The following FBXL8 variants were observed in gnomAD, a reference collection of about 807,000 sequenced individuals.
The protein encoded by FBXL8 is F-box/LRR-repeat protein 8.
FBXL8 carries 13 observed loss-of-function variants against 8.2 expected under a neutral mutation model. That is an observed-to-expected ratio of 1.58 (90% CI 1.03 to 2.51). FBXL8 has a LOEUF of 2.51. Among genes scored for constraint, FBXL8 ranks in the 30% most tolerant of loss-of-function variants. The pLI, the probability that FBXL8 is intolerant of heterozygous loss-of-function variation, is 0.00. For synonymous variants in FBXL8, 271 were observed against 260.5 expected (o/e 1.04, Z -0.39); for missense variants, 565 against 540.4 (o/e 1.05, Z -0.45).
In FBXL8 at chr16:67,163,974, A is replaced by G. The variant is rs2031055543; in HGVS notation, c.*154A>G. 5 of 1,185,718 alleles carry G rather than the reference A, an allele frequency of 4.2e-6. No homozygotes were observed. The highest frequency in any genetic ancestry group is 6.0e-6 in the Non-Finnish European group (5 of 829,772). 73.4% of individuals were successfully genotyped at this position (1,185,718 alleles called of 1,614,324 possible). A position where few individuals can be genotyped will look rare whatever the true frequency, so the allele number is the denominator to read the frequency against. The stretch of plus-strand genomic sequence containing the variant: ...TGGGAACTGTGATGGCATCGGGACC[A>G]GTCCTGGGCGCCCTGAGACCACTCG... On this transcript the variant is annotated 3_prime_UTR_variant, in exon 3 of 3. Transcript: ENST00000258200.
chr16:67,163,696 A>T lies in FBXL8; in HGVS notation c.1001A>T (p.His334Leu). The T allele has an allele frequency of 6.3e-7, 1 of 1,591,874 alleles. No individual in the cohort carries two copies. The highest frequency in any genetic ancestry group is 8.5e-7 in the Non-Finnish European group (1 of 1,176,712). ...AARCAALREV[H>L]CFCVVSHSVL... ...CGCTGCGCGGCCCTGCGCGAGGTGC[A>T]TTGTTTCTGCGTGGTGAGCCACTCG... The change falls in exon 3 of 3, where the codon CAT (histidine) becomes CTT (leucine). Residue 334 changes from histidine to leucine, a missense_variant. His to Leu is a moderately conservative substitution (Grantham distance 99). Transcript: ENST00000258200.
Position 67,163,655 on chromosome 16 carries a change from G to A in FBXL8, c.960G>A (p.Leu320=). ...CTTCGGCCGAGCTGAACGCCGCGCTGGAGGAGCTGGCGGCGCGCTGCGCGG... is the reference window on the plus strand; with the variant it reads ...CTTCGGCCGAGCTGAACGCCGCGCTAGAGGAGCTGGCGGCGCGCTGCGCGG... ...AAASAELNAA[L]EELAARCAAL... is the part of the protein sequence containing the mutation. The change falls in exon 3 of 3, where the codon CTG becomes CTA. Residue 320 remains leucine, a synonymous_variant. Coordinates refer to ENST00000258200, the MANE Select transcript of FBXL8 (RefSeq NM_018378.3). 6.4e-7 allele frequency: 1 copy of A among 1,572,048 alleles called. No individual in the cohort carries two copies. Among genetic ancestry groups the A allele is most frequent in the Non-Finnish European group, 8.6e-7 (1 of 1,167,420 alleles).
intron 1 of FBXL8, among the ~76,000 whole-genome samples, chr16:67,160,529 G>A (rs2030864006): frequency 6.6e-6 from 1 of 152,114 alleles, no homozygotes; most frequent in East Asian, 1.9e-4. Context: ...TGGCCAATAT[G>A]GTGAAACCCC....
chr16:67,162,241 A>G, intron 2 of FBXL8: 1 of 389,692 alleles, frequency 2.6e-6, no homozygotes, highest in African/African-American at 2.0e-5. Flanking sequence ...AGGCACAAGA[A>G]TCGCTTGAAC....
Position 67,163,417 on chromosome 16 carries a change from C to G in FBXL8, c.722C>G (p.Ala241Gly). 1 of 1,537,218 alleles carries G rather than the reference C, an allele frequency of 6.5e-7. No homozygotes were observed. Among genetic ancestry groups the G allele is most frequent in the Non-Finnish European group, 8.7e-7 (1 of 1,147,200 alleles). The change falls in exon 3 of 3, where the codon GCC (alanine) becomes GGC (glycine). Residue 241 changes from alanine (A) to glycine (G), a missense_variant. By Grantham distance (60) the Ala-to-Gly change is moderately conservative. Transcript: ENST00000258200. ...CGCGCGTCCCCGCTGCCCAACGAAG[C>G]CTGGGTCGCGTTGCGCCGCCGCCAC... ...DARASPLPNE[A>G]WVALRRRHPG...
chr16:67,163,639 A>AGCTGAACGCCGC lies in FBXL8; in HGVS notation c.949_960dup (p.Asn317_Leu320dup). 1 of 1,567,452 alleles carries AGCTGAACGCCGC rather than the reference A, an allele frequency of 6.4e-7. No homozygotes were observed. The stretch of plus-strand genomic sequence containing the variant: ...GAGGTGCGCGCAGCCGCTTCGGCCG[A>AGCTGAACGCCGC]GCTGAACGCCGCGCTGGAGGAGCTG... On this transcript the variant is annotated inframe_insertion, in exon 3 of 3. Coordinates refer to ENST00000258200, the MANE Select transcript of FBXL8 (RefSeq NM_018378.3).
At position 67,162,946 on chromosome 16, in the gene FBXL8, C is replaced by T. The variant is rs1397559005; in HGVS notation, c.251C>T (p.Pro84Leu). The T allele has an allele frequency of 2.6e-6, 4 of 1,558,492 alleles. No individual in the cohort carries two copies. The highest frequency in any genetic ancestry group is 2.6e-6 in the Non-Finnish European group (3 of 1,151,134). The change falls in exon 3 of 3, where the codon CCG (proline) becomes CTG (leucine). Residue 84 changes from proline to leucine, a missense_variant. Transcript: ENST00000258200. ...CTGGAATTTGAGCCATCGAGGAAGC[C>T]GAGCCGCCGGGCGGCCATCGAGCTG... ...LRLEFEPSRK[P>L]SRRAAIELLM...
At chr16:67,162,013 T>A in intron 2 of FBXL8, 76 bp downstream of exon 2, 1 of 1,441,866 alleles carries the variant, frequency 6.9e-7, no homozygotes, top group Non-Finnish European at 9.1e-7. Flanking sequence ...AGGTAGATAT[T>A]CAGGTTGACT....
In FBXL8 at chr16:67,163,554, G is replaced by A. The variant is rs1195230060; in HGVS notation, c.859G>A (p.Asp287Asn). 5 of 1,579,134 alleles carry A rather than the reference G, an allele frequency of 3.2e-6. No individual in the cohort carries two copies. Among genetic ancestry groups the A allele is most frequent in the Non-Finnish European group, 4.3e-6 (5 of 1,171,082 alleles). ...TGCGCTGCGCCTCAACCTCTCAGGCGACACCGTAGGCCCAGTGCGCTTCGC... is the reference window on the plus strand; with the variant it reads ...TGCGCTGCGCCTCAACCTCTCAGGCAACACCGTAGGCCCAGTGCGCTTCGC... Reference protein sequence around the residue: ...VAALRLNLSGDTVGPVRFAAH... With the variant: ...VAALRLNLSGNTVGPVRFAAH... The change falls in exon 3 of 3, where the codon GAC becomes AAC. Residue 287 changes from aspartate to asparagine, a missense_variant. Transcript: ENST00000258200.
chr16:67,163,799 G>A lies in FBXL8; in HGVS notation c.1104G>A (p.Trp368Ter). ...TLKLTREPHP[W>*]RPTLVA Reference sequence around the variant, plus strand: ...AGCTCACGCGCGAGCCGCATCCCTGGAGGCCTACGCTCGTGGCGTGATTGG... The same window carrying A: ...AGCTCACGCGCGAGCCGCATCCCTGAAGGCCTACGCTCGTGGCGTGATTGG... Residue 368 changes from tryptophan to a stop codon, truncating the protein, a stop_gained, in exon 3 of 3, where the codon TGG (tryptophan) becomes TGA (stop). Transcript: ENST00000258200. LOFTEE classifies it high-confidence loss of function. The A allele has an allele frequency of 1.3e-6, 2 of 1,563,246 alleles. No individual in the cohort carries two copies. Among genetic ancestry groups the A allele is most frequent in the Non-Finnish European group, 1.7e-6 (2 of 1,162,406 alleles).
chr16:67,163,501 G>A lies in FBXL8; in HGVS notation c.806G>A (p.Arg269His). The change falls in exon 3 of 3, where the codon CGC becomes CAC. Residue 269 changes from arginine to histidine, a missense_variant. Physicochemically the swap from Arg to His is conservative, Grantham distance 29 (BLOSUM62 0). Coordinates refer to ENST00000258200, the MANE Select transcript of FBXL8 (RefSeq NM_018378.3). ...GCGCTGCCCGCTGAGAGCGTGACGCGCGTCCTGCAGCCAGCCGTCCCCGTG... is the reference window on the plus strand; with the variant it reads ...GCGCTGCCCGCTGAGAGCGTGACGCACGTCCTGCAGCCAGCCGTCCCCGTG... ...EPALPAESVT[R>H]VLQPAVPVAA... 2 of 1,543,144 alleles carry A rather than the reference G, an allele frequency of 1.3e-6. No individual in the cohort carries two copies. The highest frequency in any genetic ancestry group is 1.2e-5 in the South Asian group (1 of 85,112).
rs1260830322 is a variant in FBXL8, at chr16:67,163,255, TG to T, written c.562del (p.Glu188ArgfsTer13). The T allele has an allele frequency of 1.3e-6, 2 of 1,567,514 alleles. No homozygotes were observed. The highest frequency in any genetic ancestry group is 2.4e-5 in the East Asian group (1 of 42,442). On this transcript the variant is annotated frameshift_variant, in exon 3 of 3. Transcript: ENST00000258200. LOFTEE classifies it low-confidence loss of function (END_TRUNC). ...GGTCCCGGCTCAGTGCTCGAGCTAC[TG>T]GAGGCCTGCCCGCGCCTGCGCGCTC... ...SVGPGSVLELLEACPRLRALG... is the reference protein window; with the variant it reads ...SVGPGSVLELXEACPRLRALG...
At position 67,162,767 on chromosome 16, in the gene FBXL8, C is replaced by A. The variant is rs2030960099; in HGVS notation, c.153-81C>A. ...CAGGAAATGGGATGGCAGCTGGAAC[C>A]CCAGCTAAGGGGTGGGTAGAGGCTT... On this transcript the variant is annotated intron_variant, in intron 2 of 2. Coordinates refer to ENST00000258200, the MANE Select transcript of FBXL8 (RefSeq NM_018378.3). The A allele has an allele frequency of 2.6e-6, 4 of 1,529,652 alleles. No individual in the cohort carries two copies. The South Asian group carries it at 3.6e-5, about 14-fold the overall frequency. The allele number at this position is 1,529,652 out of a possible 1,614,324, so 94.8% of individuals were successfully genotyped here.
chr16:67,160,943 G>A (rs2030875710), intron 1 of FBXL8, among the ~76,000 whole-genome samples: 2 of 152,044 alleles, frequency 1.3e-5, no homozygotes, highest in African/African-American at 4.8e-5. Context: ...TTCATCCAGT[G>A]GGGCTGTCTT....
At chr16:67,162,416 A>G in intron 2 of FBXL8, 1 of 598,862 alleles carries the variant, frequency 1.7e-6, no homozygotes, top group Non-Finnish European at 3.0e-6. Flanking sequence ...AACTAATTTA[A>G]TCCTTATGAA....
At chr16:67,162,352 G>A (rs752896073) in intron 2 of FBXL8, 9 of 517,138 alleles carry the variant, frequency 1.7e-5, no homozygotes, top group East Asian at 3.2e-5. Flanking sequence ...AATTGCTGAC[G>A]TATTGACTGC....
At position 67,163,722 on chromosome 16, in the gene FBXL8, G is replaced by C. The variant is rs1014290681; in HGVS notation, c.1027G>C (p.Val343Leu). ...TTGTTTCTGCGTGGTGAGCCACTCGGTGCTGGACGCCTTCCGCGCGCACTG... is the reference window on the plus strand; with the variant it reads ...TTGTTTCTGCGTGGTGAGCCACTCGCTGCTGGACGCCTTCCGCGCGCACTG... ...VHCFCVVSHS[V>L]LDAFRAHCPR... Residue 343 changes from valine (V) to leucine (L), a missense_variant, in exon 3 of 3, where the codon GTG becomes CTG. Val to Leu is a conservative substitution (Grantham distance 32). Transcript: ENST00000258200. The C allele has an allele frequency of 9.4e-6, 15 of 1,595,334 alleles. No individual in the cohort carries two copies. Among genetic ancestry groups the C allele is most frequent in the Non-Finnish European group, 1.2e-5 (14 of 1,178,080 alleles).
chr16:67,163,075 T>G lies in FBXL8; in HGVS notation c.380T>G (p.Val127Gly), dbSNP rs1217411943. The G allele has an allele frequency of 5.1e-6, 8 of 1,580,126 alleles. No individual in the cohort carries two copies. The highest frequency in any genetic ancestry group is 1.3e-5 in the African/African-American group (1 of 74,196). The change falls in exon 3 of 3, where the codon GTG (valine) becomes GGG (glycine). Residue 127 changes from valine to glycine, a missense_variant. By Grantham distance (109) the Val-to-Gly change is moderately radical. Transcript: ENST00000258200. ...FDAGRDVLEA[V>G]HAVCGAASQL... is the part of the protein sequence containing the mutation. ...GCGGGCCGCGACGTCCTGGAGGCTG[T>G]GCACGCTGTATGCGGGGCGGCCAGC...
chr16:67,162,009 A>G, intron 2 of FBXL8, 72 bp downstream of exon 2: 1 of 1,460,158 alleles, frequency 6.8e-7, no homozygotes, highest in South Asian at 1.4e-5. Context: ...GGCTAGGTAG[A>G]TATTCAGGTT....
Sources: gnomAD v4.1 joint callset for allele counts (sites outside exome capture counted in the v4.1 genomes callset) on GRCh38, gnomAD v4.1.1 for gene constraint, MANE v1.5 for transcripts, NCBI Gene and HGNC (gene_info 2026-07-23, HGNC 2026-07-21) for gene names.